The following ERBB4 variants were observed in gnomAD, a reference collection of about 807,000 sequenced individuals.
ERBB4 encodes erb-b2 receptor tyrosine kinase 4.
A neutral mutation model predicts 158.0 loss-of-function variants in ERBB4; 42 were observed. The observed-to-expected ratio is 0.27, with a 90% CI of 0.21 to 0.34. ERBB4 has a LOEUF of 0.34. ERBB4 is among the 10% of genes least tolerant of loss of function. The pLI, the probability that ERBB4 is intolerant of heterozygous loss-of-function variation, is 1.00. For missense variants in ERBB4, 1,333 were observed against 1,624.1 expected, an observed-to-expected ratio of 0.82 and a Z score of 3.08; for synonymous variants, 583 against 558.7, an observed-to-expected ratio of 1.04 and a Z score of -0.61.
intron 1 of ERBB4, among the ~76,000 whole-genome samples, chr2:212,436,743 C>T (rs1452469320): frequency 6.6e-6 from 1 of 151,944 alleles, no homozygotes; most frequent in Non-Finnish European, 1.5e-5. Context: ...GCCAGTAAAC[C>T]TTCAAACAGT....
At chr2:212,319,002 A>G (rs1281089020) in intron 1 of ERBB4, among the ~76,000 whole-genome samples, 1 of 151,506 alleles carries the variant, frequency 6.6e-6, no homozygotes, top group East Asian at 2.0e-4. Context: ...GATATACCAC[A>G]CTTTCAATCC....
rs146978534 is a variant in ERBB4 at position 211,766,484 on chromosome 2, G to A, written c.557-15780C>T. 4.1e-4 allele frequency among the ~76,000 whole-genome samples: 63 copies of A among 152,310 alleles called. 2 individuals are homozygous for A. The East Asian group carries it at 0.011, about 27-fold the overall frequency. On this transcript the variant is annotated intron_variant, in intron 4 of 27. Transcript: ENST00000342788. ...GTAAATGTTATGAAAAGGGAAAGCT[G>A]AATGTCTGCACATGTTTTCAGTTAT... is the stretch of plus-strand genomic sequence containing the variant.
At chr2:212,277,558 T>C (rs1370112257) in intron 1 of ERBB4, among the ~76,000 whole-genome samples, 1 of 151,760 alleles carries the variant, frequency 6.6e-6, no homozygotes, top group Non-Finnish European at 1.5e-5. Flanking sequence ...TTTTAATGGC[T>C]AACTGCTTCC....
At chr2:212,178,217 G>A (rs1347825284) in intron 1 of ERBB4, among the ~76,000 whole-genome samples, 1 of 151,748 alleles carries the variant, frequency 6.6e-6, no homozygotes, top group African/African-American at 2.4e-5. Context: ...GTAGGGGTGT[G>A]GAAGGTGATA....
chr2:211,584,980 C>T (rs1352331792), intron 19 of ERBB4, among the ~76,000 whole-genome samples: 1 of 151,754 alleles, frequency 6.6e-6, no homozygotes, highest in Non-Finnish European at 1.5e-5. Context: ...ACTAATATCA[C>T]GTATCAATAA....
intron 3 of ERBB4, among the ~76,000 whole-genome samples, chr2:211,893,649 G>A (rs60941084): frequency 0.036 from 4,674 of 129,234 alleles, 534 homozygotes; most frequent in African/African-American, 0.15. Context: ...GAAAATTTTC[G>A]CAACCTACTC....
chr2:212,316,068 A>C lies in ERBB4; in HGVS notation c.83-191165T>G, dbSNP rs942181610. Among the ~76,000 whole-genome samples, 30 of 151,522 alleles carry C rather than the reference A, an allele frequency of 2.0e-4. 1 individual carries two copies. Among genetic ancestry groups the C allele is most frequent in the Admixed American group, 1.9e-3 (29 of 15,162 alleles). Reference sequence around the variant, plus strand: ...CCAAATAACTATGTGAGTGACCAGAAGCATAAATAGCATGCTCATGGCTTT... The same window carrying C: ...CCAAATAACTATGTGAGTGACCAGACGCATAAATAGCATGCTCATGGCTTT... On this transcript the variant is annotated intron_variant, in intron 1 of 27. Transcript: ENST00000342788.
At chr2:211,941,624 A>G (rs577775219) in intron 3 of ERBB4, among the ~76,000 whole-genome samples, 168 of 151,970 alleles carry the variant, frequency 1.1e-3, no homozygotes, top group African/African-American at 3.6e-3. Context: ...ACTCTTCCTG[A>G]GAGTAGACAA....
intron 4 of ERBB4, among the ~76,000 whole-genome samples, chr2:211,785,866 T>G (rs187899986): frequency 2.6e-5 from 4 of 152,206 alleles, no homozygotes; most frequent in Non-Finnish European, 5.9e-5. Flanking sequence ...ATTCATTTTA[T>G]GTATTTATTG....
At chr2:211,792,328 C>A (rs1377030527) in intron 3 of ERBB4, among the ~76,000 whole-genome samples, 1 of 151,328 alleles carries the variant, frequency 6.6e-6, no homozygotes, top group Non-Finnish European at 1.5e-5. Flanking sequence ...AGGTGATACA[C>A]AATAAATATT....
chr2:211,855,049 A>G (rs2077820158), intron 3 of ERBB4, among the ~76,000 whole-genome samples: 1 of 151,834 alleles, frequency 6.6e-6, no homozygotes, highest in Non-Finnish European at 1.5e-5. Context: ...TGGTGGGCAC[A>G]TGAGGGTACT....
At chr2:211,515,912 A>ATATATATATATATATATAAATTTTTT (rs35696520) in intron 20 of ERBB4, among the ~76,000 whole-genome samples, 1 of 78,976 alleles carries the variant, frequency 1.3e-5, no homozygotes, top group Non-Finnish European at 2.4e-5. Context: ...ATATATATAT[A>ATATATATATATATATATAAATTTTTT]TTTTTTTTTT....
chr2:211,646,042 TA>T lies in ERBB4; in HGVS notation c.1946+11711del, dbSNP rs2070771838. Among the ~76,000 whole-genome samples, 3 of 151,566 alleles carry T rather than the reference TA, an allele frequency of 2.0e-5. No individual in the cohort carries two copies. The East Asian group carries it at 5.8e-4, about 29-fold the overall frequency. ...GATACTAGGGAATACTAGGCAATCA[TA>T]AAAAAGGGGTAATGTCTGTTGATCT... On this transcript the variant is annotated intron_variant, in intron 16 of 27. Coordinates refer to ENST00000342788, the MANE Select transcript of ERBB4 (RefSeq NM_005235.3).
At chr2:211,914,237 A>C (rs1449488807) in intron 3 of ERBB4, among the ~76,000 whole-genome samples, 3 of 151,884 alleles carry the variant, frequency 2.0e-5, no homozygotes, top group African/African-American at 7.2e-5. Context: ...TTCTATGCAA[A>C]GACTATAACA....
intron 1 of ERBB4, among the ~76,000 whole-genome samples, chr2:212,387,465 TC>T (rs2090716606): frequency 1.7e-5 from 2 of 118,824 alleles, no homozygotes; most frequent in Admixed American, 1.6e-4. Context: ...TTTTTTTTTT[TC>T]TTTTTTTGAG....
chr2:211,579,149 C>T (rs2067980014), intron 19 of ERBB4, among the ~76,000 whole-genome samples: 1 of 152,080 alleles, frequency 6.6e-6, no homozygotes, highest in South Asian at 2.1e-4. Context: ...AGGACATGAA[C>T]AGACACTTCT....
chr2:212,497,354 T>C (rs776485878), intron 1 of ERBB4, among the ~76,000 whole-genome samples: 12 of 152,226 alleles, frequency 7.9e-5, no homozygotes, highest in Non-Finnish European at 1.3e-4. Context: ...TTTGAAATAC[T>C]GGTTTTATTC....
In ERBB4 at chr2:211,956,029, A is replaced by AGTGTGT. The variant is rs3070122; in HGVS notation, c.235-8419_235-8414dup. On this transcript the variant is annotated intron_variant, in intron 2 of 27. Transcript: ENST00000342788. ...AAGTTGAAGATTCTATCATCTCTAA[A>AGTGTGT]GTGTGTGTGTGTGTGTGTGTGTGTG... is the stretch of plus-strand genomic sequence containing the variant. Among the ~76,000 whole-genome samples, 996 of 146,414 alleles carry AGTGTGT rather than the reference A, an allele frequency of 6.8e-3. 7 individuals are homozygous for AGTGTGT. The highest frequency in any genetic ancestry group is 0.019 in the African/African-American group (750 of 39,522).
chr2:211,755,370 C>T (rs769663109), intron 4 of ERBB4, among the ~76,000 whole-genome samples: 61 of 152,056 alleles, frequency 4.0e-4, no homozygotes, highest in Admixed American at 2.6e-3. Flanking sequence ...GGCTTGTTGG[C>T]GCACGCCTGC....
Sources: gnomAD v4.1 joint callset for allele counts (sites outside exome capture counted in the v4.1 genomes callset) on GRCh38, gnomAD v4.1.1 for gene constraint, MANE v1.5 for transcripts, NCBI Gene and HGNC (gene_info 2026-07-23, HGNC 2026-07-21) for gene names.